The following AKAP6 variants were observed in gnomAD, a reference collection of about 807,000 sequenced individuals.
AKAP6 encodes A-kinase anchor protein 6.
AKAP6 carries 58 observed loss-of-function variants against 188.5 expected under a neutral mutation model. The observed-to-expected ratio is 0.31, with a 90% CI of 0.25 to 0.38. The LOEUF (loss-of-function observed/expected upper bound fraction) is 0.38. Ranked by LOEUF, AKAP6 falls within the 10% of genes least tolerant of loss-of-function variation. AKAP6 has a pLI of 1.00. For missense variants in AKAP6, 2,710 were observed against 2,740.0 expected, an observed-to-expected ratio of 0.99 and a Z score of 0.24; for synonymous variants, 989 against 998.6, an observed-to-expected ratio of 0.99 and a Z score of 0.18.
chr14:32,698,767 A>G (rs1402162074), intron 9 of AKAP6, among the ~76,000 whole-genome samples: 2 of 152,152 alleles, frequency 1.3e-5, no homozygotes, highest in African/African-American at 4.8e-5. Flanking sequence ...TATATAGCTG[A>G]TATTGAACCA....
chr14:32,595,833 G>A (rs367761206), intron 5 of AKAP6, among the ~76,000 whole-genome samples: 3 of 152,038 alleles, frequency 2.0e-5, no homozygotes, highest in East Asian at 3.9e-4. Context: ...TTCTACGCTG[G>A]GTCTTATAAA....
At chr14:32,610,030 CAT>C (rs1246967690) in intron 7 of AKAP6, among the ~76,000 whole-genome samples, 9 of 152,064 alleles carry the variant, frequency 5.9e-5, no homozygotes, top group African/African-American at 2.2e-4. Flanking sequence ...GTTTATATAA[CAT>C]ATTCTATTAA....
At chr14:32,561,619 A>G (rs1883958363) in intron 4 of AKAP6, among the ~76,000 whole-genome samples, 1 of 152,220 alleles carries the variant, frequency 6.6e-6, no homozygotes, top group African/African-American at 2.4e-5. Context: ...AGGCTGTGAC[A>G]TTAACGAGCC....
intron 1 of AKAP6, among the ~76,000 whole-genome samples, chr14:32,393,651 C>G (rs1888782883): frequency 6.6e-6 from 1 of 152,004 alleles, no homozygotes; most frequent in South Asian, 2.1e-4. Context: ...TATTTTGCAA[C>G]TCTTTTGTAA....
intron 5 of AKAP6, among the ~76,000 whole-genome samples, chr14:32,582,766 T>C (rs1178561318): frequency 1.3e-5 from 2 of 152,230 alleles, no homozygotes; most frequent in Admixed American, 1.3e-4. Context: ...TACCCTTTCT[T>C]CCAGTTGATC....
At chr14:32,497,803 G>A (rs2138970879) in intron 2 of AKAP6, among the ~76,000 whole-genome samples, 1 of 152,034 alleles carries the variant, frequency 6.6e-6, no homozygotes, top group East Asian at 1.9e-4. Flanking sequence ...TTTGCTATAT[G>A]TATTTTGAAG....
chr14:32,697,762 C>T (rs1890462797), intron 9 of AKAP6, among the ~76,000 whole-genome samples: 4 of 152,082 alleles, frequency 2.6e-5, no homozygotes, highest in Non-Finnish European at 4.4e-5. Flanking sequence ...ATATAATTTA[C>T]ATCACAATTA....
Position 32,605,132 on chromosome 14 carries a change from T to G in AKAP6, c.2730+4340T>G, listed in dbSNP as rs183329951. Among the ~76,000 whole-genome samples the G allele has an allele frequency of 5.0e-4, 49 of 98,866 alleles. 2 individuals are homozygous for G. In the East Asian group the frequency reaches 0.012, roughly 24 times the overall value. 64.9% of individuals were successfully genotyped at this position (98,866 alleles called of 152,430 possible). A position where few individuals can be genotyped will look rare whatever the true frequency, so the allele number is the denominator to read the frequency against. Reference sequence around the variant, plus strand: ...GGATAATGGACAAGCCTTCATTTTCTAGAGACAAATAATTTTAATAAATTA... The same window carrying G: ...GGATAATGGACAAGCCTTCATTTTCGAGAGACAAATAATTTTAATAAATTA... On this transcript the variant is annotated intron_variant, in intron 7 of 13. Transcript: ENST00000280979.
At chr14:32,564,964 A>G (rs1884121861) in intron 4 of AKAP6, among the ~76,000 whole-genome samples, 1 of 152,232 alleles carries the variant, frequency 6.6e-6, no homozygotes, top group Admixed American at 6.5e-5. Flanking sequence ...AGAGTTTCAC[A>G]GTTGATTTTG....
chr14:32,577,265 T>G (rs768787), intron 5 of AKAP6, 23 bp downstream of exon 5: 1,055,874 of 1,598,752 alleles, frequency 0.66, 350,669 homozygotes, highest in East Asian at 0.87. Context: ...GTGTTGTTCT[T>G]GCTGTCAATA....
chr14:32,696,245 C>G (rs1890398424), intron 9 of AKAP6, 135 bp downstream of exon 9: 3 of 1,177,392 alleles, frequency 2.5e-6, no homozygotes, highest in Admixed American at 7.7e-5. Context: ...TTCCCTGTCC[C>G]CAAACTCATT....
chr14:32,803,109 T>C (rs930875544), intron 12 of AKAP6, among the ~76,000 whole-genome samples: 6 of 152,086 alleles, frequency 3.9e-5, no homozygotes, highest in African/African-American at 1.2e-4. Context: ...TTTTTAGATC[T>C]GTCTTAAAAG....
At chr14:32,490,625 A>C (rs188407089) in intron 2 of AKAP6, among the ~76,000 whole-genome samples, 30 of 152,144 alleles carry the variant, frequency 2.0e-4, no homozygotes, top group Admixed American at 1.7e-3. Context: ...GTGGGTTCTG[A>C]GCTCCAGTTT....
At chr14:32,396,246 G>A (rs1270110715) in intron 1 of AKAP6, among the ~76,000 whole-genome samples, 1 of 152,136 alleles carries the variant, frequency 6.6e-6, no homozygotes, top group Admixed American at 6.6e-5. Flanking sequence ...ATGCTGAGGG[G>A]TTTGTGGTCA....
In AKAP6 at chr14:32,833,606, C is replaced by A. The variant is rs1489593404; in HGVS notation, c.*3801C>A. On this transcript the variant is annotated 3_prime_UTR_variant, in exon 14 of 14. Transcript: ENST00000280979. ...CTTTGTTGTGTTTGGTTCATCCGGA[C>A]TAGGTTTCACCCATTCTATAATTCC... 1 of 152,146 alleles carries A rather than the reference C, an allele frequency of 6.6e-6. No homozygotes were observed. Among genetic ancestry groups the A allele is most frequent in the East Asian group, 1.9e-4 (1 of 5,194 alleles). The allele number at this position is 152,146 out of a possible 1,614,324, so 9.4% of individuals were successfully genotyped here.
chr14:32,744,033 G>A (rs2031787011), intron 11 of AKAP6, among the ~76,000 whole-genome samples: 1 of 152,136 alleles, frequency 6.6e-6, no homozygotes, highest in Admixed American at 6.5e-5. Flanking sequence ...ATGTTTGAAA[G>A]ATATTTTTGC....
Position 32,824,086 on chromosome 14 carries a change from G to A in AKAP6, c.6273G>A (p.Lys2091=), listed in dbSNP as rs1340838331. Residue 2091 remains lysine (K), a synonymous_variant, in exon 13 of 14, where the codon AAG becomes AAA. Coordinates refer to ENST00000280979, the MANE Select transcript of AKAP6 (RefSeq NM_004274.5). The part of the protein sequence containing the change: ...VAAPTSLTQI[K]EKVLEHSHRP... ...CTCCTACTTCATTAACTCAAATCAA[G>A]GAGAAAGTGTTGGAGCATTCTCACC... The A allele has an allele frequency of 6.2e-7, 1 of 1,613,746 alleles. No homozygotes were observed. The highest frequency in any genetic ancestry group is 1.3e-5 in the African/African-American group (1 of 74,872).
intron 12 of AKAP6, among the ~76,000 whole-genome samples, chr14:32,796,288 A>T (rs2033765304): frequency 1.3e-5 from 2 of 152,248 alleles, no homozygotes; most frequent in African/African-American, 4.8e-5. Flanking sequence ...TTAAAAATTC[A>T]TATGGAACCA....
chr14:32,718,574 T>C (rs1196649450), intron 9 of AKAP6, among the ~76,000 whole-genome samples: 2 of 152,204 alleles, frequency 1.3e-5, no homozygotes, highest in African/African-American at 2.4e-5. Flanking sequence ...AAAGAACTAC[T>C]GCCACCTTCC....
Sources: gnomAD v4.1 joint callset for allele counts (sites outside exome capture counted in the v4.1 genomes callset) on GRCh38, gnomAD v4.1.1 for gene constraint, MANE v1.5 for transcripts, NCBI Gene and HGNC (gene_info 2026-07-23, HGNC 2026-07-21) for gene names.